The following REPS1 variants were observed in gnomAD, a reference collection of about 807,000 sequenced individuals.
The protein encoded by REPS1 is ralBP1-associated Eps domain-containing protein 1.
A neutral mutation model predicts 100.9 loss-of-function variants in REPS1; 39 were observed. The ratio of observed to expected loss-of-function variants is 0.39; its 90% CI spans 0.30 to 0.50. The LOEUF is 0.50. Among genes scored for constraint, REPS1 ranks in the 20% least tolerant of loss-of-function variants. The pLI, the probability that REPS1 is intolerant of heterozygous loss-of-function variation, is 0.86. For missense variants in REPS1, 821 were observed against 968.5 expected (o/e 0.85, Z 2.02); for synonymous variants, 324 against 340.3 (o/e 0.95, Z 0.53).
In REPS1 at chr6:138,945,357, C is replaced by A. The variant is rs1562542095; in HGVS notation, c.490G>T (p.Val164Leu). 7 of 1,607,538 alleles carry A rather than the reference C, an allele frequency of 4.4e-6. No individual in the cohort carries two copies. Among genetic ancestry groups the A allele is most frequent in the Non-Finnish European group, 5.9e-6 (7 of 1,178,018 alleles). ...SADAQEPASP[V>L]VSPQQSPPTS... is the part of the protein sequence containing the mutation. ...GGTGGGGATTGCTGTGGTGAAACTA[C>A]TGGGGATGCAGGTTCCTAGAAAAGA... The change falls in exon 4 of 20, where the codon GTA (valine) becomes TTA (leucine). Residue 164 changes from valine to leucine, a missense_variant. Val to Leu is a conservative substitution (Grantham distance 32). This residue lies in a region of REPS1 where 757 missense variants were observed against 866.4 expected (regional missense o/e 0.87). Transcript: ENST00000450536.
chr6:138,970,457 TAAAA>T (rs11420118), intron 1 of REPS1, among the ~76,000 whole-genome samples: 1 of 141,392 alleles, frequency 7.1e-6, no homozygotes, highest in African/African-American at 2.6e-5. Flanking sequence ...AAGAATATCT[TAAAA>T]AAAAAAAAAA....
At chr6:138,945,718 A>G (rs1374374619) in intron 2 of REPS1, 21 bp from the exon 3 acceptor site, 1 of 1,500,216 alleles carries the variant, frequency 6.7e-7, no homozygotes, top group Non-Finnish European at 8.9e-7. Context: ...CAAAATAATC[A>G]TTACTTCAAA....
intron 1 of REPS1, among the ~76,000 whole-genome samples, chr6:138,958,357 A>G (rs1371139641): frequency 2.0e-5 from 3 of 152,172 alleles, no homozygotes; most frequent in Non-Finnish European, 2.9e-5. Context: ...TAAAACCATG[A>G]GCAGAAATTA....
chr6:138,978,095 G>GTT lies in REPS1; in HGVS notation c.153+9433_153+9434dup, dbSNP rs60642515. 5.8e-3 allele frequency among the ~76,000 whole-genome samples: 834 copies of GTT among 144,254 alleles called. 3 individuals are homozygous for GTT. Among genetic ancestry groups the GTT allele is most frequent in the Non-Finnish European group, 6.8e-3 (445 of 65,064 alleles). 94.6% of individuals were successfully genotyped at this position (144,254 alleles called of 152,430 possible). On this transcript the variant is annotated intron_variant, in intron 1 of 19. Transcript: ENST00000450536. Reference sequence around the variant, plus strand: ...AAGCCTAAGAATGGGCTTTCGCCCAGTTTTTTTTTTTTCCTTATAAGTGAG... The same window carrying GTT: ...AAGCCTAAGAATGGGCTTTCGCCCAGTTTTTTTTTTTTTTCCTTATAAGTGAG...
intron 1 of REPS1, among the ~76,000 whole-genome samples, chr6:138,972,371 T>C (rs1036721892): frequency 1.3e-5 from 2 of 152,052 alleles, no homozygotes; most frequent in Non-Finnish European, 2.9e-5. Context: ...CAGTCCCTAT[T>C]AGGAGAATAA....
intron 11 of REPS1, 36 bp from the exon 12 acceptor site, chr6:138,920,352 AG>A (rs767869783): frequency 8.7e-6 from 10 of 1,147,606 alleles, no homozygotes; most frequent in Non-Finnish European, 1.3e-5. Context: ...TACAAGACAT[AG>A]GTATTTGAAC....
At chr6:138,965,980 T>G (rs1054619781) in intron 1 of REPS1, among the ~76,000 whole-genome samples, 2 of 152,170 alleles carry the variant, frequency 1.3e-5, no homozygotes, top group Admixed American at 1.3e-4. Context: ...TATAGCTCAT[T>G]TAATCATCTT....
At chr6:138,963,229 C>G (rs1321101499) in intron 1 of REPS1, among the ~76,000 whole-genome samples, 1 of 152,146 alleles carries the variant, frequency 6.6e-6, no homozygotes, top group African/African-American at 2.4e-5. Flanking sequence ...CCATCCCACT[C>G]CATAACCAAA....
intron 8 of REPS1, 51 bp downstream of exon 8, chr6:138,941,284 C>T (rs764887523): frequency 6.3e-7 from 1 of 1,581,866 alleles, no homozygotes; most frequent in South Asian, 1.1e-5. Context: ...CAGAATCAAG[C>T]ATTATGTTTA....
intron 16 of REPS1, among the ~76,000 whole-genome samples, 165 bp from the exon 17 acceptor site, chr6:138,911,536 C>T (rs1207728584): frequency 1.3e-5 from 2 of 152,160 alleles, no homozygotes; most frequent in Admixed American, 6.5e-5. Context: ...TTCTCTGCTA[C>T]TGAAAGGCAG....
chr6:138,917,679 C>T (rs1166538382), intron 12 of REPS1, 52 bp from the exon 13 acceptor site: 1 of 1,430,442 alleles, frequency 7.0e-7, no homozygotes, highest in Non-Finnish European at 9.8e-7. Context: ...TTACTTTTTG[C>T]TCTATCTACT....
chr6:138,965,751 A>G (rs1783981911), intron 1 of REPS1, among the ~76,000 whole-genome samples: 1 of 152,200 alleles, frequency 6.6e-6, no homozygotes, highest in Non-Finnish European at 1.5e-5. Context: ...CAACACCTGC[A>G]ACCTGTTGCC....
At position 138,972,251 on chromosome 6, in the gene REPS1, G is replaced by C. The variant is rs1208521468; in HGVS notation, c.153+15279C>G. On this transcript the variant is annotated intron_variant, in intron 1 of 19. Transcript: ENST00000450536. ...AGGGGGGCGGAATAAGCACGAAAGT[G>C]AGGAGAGAGTCCTGTAGCTGAGGGA... Among the ~76,000 whole-genome samples the C allele has an allele frequency of 2.0e-5, 3 of 152,186 alleles. No homozygotes were observed. In the East Asian group the frequency reaches 5.8e-4, roughly 29 times the overall value.
Position 138,937,744 on chromosome 6 carries a change from T to C in REPS1, c.1135+3591A>G, listed in dbSNP as rs118174067. ...AAGGTAGAAAACAGTTAAAAATCAT[T>C]GGCTCAGTCATTTAATCATTTCAAC... On this transcript the variant is annotated intron_variant, in intron 8 of 19. Coordinates refer to ENST00000450536, the MANE Select transcript of REPS1 (RefSeq NM_001286611.2). 3.3e-3 allele frequency among the ~76,000 whole-genome samples: 503 copies of C among 152,324 alleles called. 1 individual carries two copies. Among genetic ancestry groups the C allele is most frequent in the Non-Finnish European group, 5.0e-3 (337 of 68,024 alleles).
At chr6:138,907,349 G>C (rs1457752255) in intron 19 of REPS1, 146 bp downstream of exon 19, 1 of 402,588 alleles carries the variant, frequency 2.5e-6, no homozygotes, top group Non-Finnish European at 4.7e-6. Flanking sequence ...TGGCGGGGAG[G>C]GGTTAACTAA....
At chr6:138,969,345 G>A (rs1163787078) in intron 1 of REPS1, among the ~76,000 whole-genome samples, 1 of 141,806 alleles carries the variant, frequency 7.1e-6, no homozygotes, top group Non-Finnish European at 1.5e-5. Flanking sequence ...AGGCTGGAGT[G>A]CAGTGGTGCA....
intron 17 of REPS1, among the ~76,000 whole-genome samples, chr6:138,910,439 C>T (rs111613573): frequency 0.088 from 13,357 of 152,116 alleles, 1,223 homozygotes; most frequent in African/African-American, 0.23. Flanking sequence ...CAGCAACCTC[C>T]ACCTCCCAGG....
chr6:138,960,088 T>C (rs1783642518), intron 1 of REPS1, among the ~76,000 whole-genome samples: 1 of 152,210 alleles, frequency 6.6e-6, no homozygotes, highest in Admixed American at 6.5e-5. Flanking sequence ...AGTTGAGGTA[T>C]ATAACAGCCT....
intron 8 of REPS1, among the ~76,000 whole-genome samples, chr6:138,930,496 TTG>T (rs1781422639): frequency 6.6e-6 from 1 of 152,190 alleles, no homozygotes; most frequent in Non-Finnish European, 1.5e-5. Flanking sequence ...TCAAGTAAGT[TTG>T]GGGAAACAAT....
Sources: gnomAD v4.1 joint callset for allele counts (sites outside exome capture counted in the v4.1 genomes callset) on GRCh38, gnomAD v4.1.1 for gene constraint, gnomAD v4.1.1 regional missense constraint, MANE v1.5 for transcripts, NCBI Gene and HGNC (gene_info 2026-07-23, HGNC 2026-07-21) for gene names.